Variants in MAP3K13 observed in about 807,000 individuals in gnomAD.
MAP3K13 encodes the protein mitogen-activated protein kinase kinase kinase 13, also known as leucine zipper-bearing kinase.
MAP3K13 carries 52 observed loss-of-function variants against 104.0 expected under a neutral mutation model. That is an observed-to-expected ratio of 0.50 (90% CI 0.40 to 0.63). MAP3K13 has a LOEUF of 0.63. Among genes scored for constraint, MAP3K13 ranks in the 20% least tolerant of loss-of-function variants. The probability of loss-of-function intolerance (pLI) is 0.00; values close to 1 mark genes in which losing one functional copy is unlikely to be tolerated. For synonymous variants in MAP3K13, 394 were observed against 442.2 expected (o/e 0.89, Z 1.37); for missense variants, 914 against 1,218.5 (o/e 0.75, Z 3.72).
intron 7 of MAP3K13, among the ~76,000 whole-genome samples, chr3:185,455,365 T>C (rs1465481905): frequency 1.1e-5 from 1 of 93,068 alleles, no homozygotes; most frequent in Non-Finnish European, 2.1e-5. Context: ...ATATATGAGA[T>C]ATATATGATA....
intron 2 of MAP3K13, among the ~76,000 whole-genome samples, chr3:185,326,093 CT>C (rs1243100914): frequency 1.3e-5 from 2 of 152,150 alleles, no homozygotes; most frequent in African/African-American, 4.8e-5. Flanking sequence ...ACCCTGTTCT[CT>C]TATCATCACA....
chr3:185,477,686 C>T (rs1718208130), intron 12 of MAP3K13, among the ~76,000 whole-genome samples: 1 of 152,198 alleles, frequency 6.6e-6, no homozygotes, highest in Non-Finnish European at 1.5e-5. Flanking sequence ...GATGGCCATG[C>T]TGTTTTATGG....
intron 3 of MAP3K13, among the ~76,000 whole-genome samples, chr3:185,442,554 GAC>G (rs1279187216): frequency 6.9e-6 from 1 of 144,748 alleles, no homozygotes; most frequent in Admixed American, 7.0e-5. Context: ...TTTTTTCTGA[GAC>G]AGAGTCTCAC....
chr3:185,418,837 T>C lies in MAP3K13; in HGVS notation c.-85-9660T>C, dbSNP rs1713958858. On this transcript the variant is annotated intron_variant, in intron 1 of 13. Transcript: ENST00000265026. This position sits in a 1 kb window ranked among gnomAD's most constrained non-coding sequence, Gnocchi z 4.5. The stretch of plus-strand genomic sequence containing the variant: ...CCCGGCTGCTGCCACAGGAAAAGCA[T>C]GTTCTTGTCTTTTCATCTGTTTTGG... The C allele has an allele frequency of 1.3e-6, 2 of 1,516,660 alleles. No individual in the cohort carries two copies. The highest frequency in any genetic ancestry group is 2.8e-5 in the African/African-American group (2 of 72,532). 94.0% of individuals were successfully genotyped at this position (1,516,660 alleles called of 1,614,324 possible).
intron 7 of MAP3K13, among the ~76,000 whole-genome samples, chr3:185,456,511 CT>C (rs1224343995): frequency 6.6e-6 from 1 of 151,336 alleles, no homozygotes; most frequent in East Asian, 1.9e-4. Context: ...ACACTTAACC[CT>C]TTTGTGAAAT....
At chr3:185,383,012 T>G in intron 1 of MAP3K13, among the ~76,000 whole-genome samples, 1 of 74,980 alleles carries the variant, frequency 1.3e-5, no homozygotes, top group Admixed American at 1.4e-4. Context: ...CCCTCCCCCC[T>G]CCCCCCAACC....
chr3:185,299,394 G>A (rs1721022436), intron 2 of MAP3K13, among the ~76,000 whole-genome samples: 1 of 152,242 alleles, frequency 6.6e-6, no homozygotes, highest in African/African-American at 2.4e-5. Context: ...AAAGGAGCCT[G>A]CACTCACTTG....
rs759340877 is a variant in MAP3K13, at chr3:185,482,439, A to C, written c.2884A>C (p.Ser962Arg). Reference sequence around the variant, plus strand: ...CACAGTTAGGACCAATAAACACTACAGCTCTGCTACCTGGTAATGAAGGAA... The same window carrying C: ...CACAGTTAGGACCAATAAACACTACCGCTCTGCTACCTGGTAATGAAGGAA... ...DATVRTNKHY[S>R]SATW Residue 962 changes from serine to arginine, a missense_variant, in exon 14 of 14, where the codon AGC (serine) becomes CGC (arginine). Ser to Arg is a moderately radical substitution (Grantham distance 110, BLOSUM62 -1). Around this residue, in one of 3 missense-constraint regions of MAP3K13, gnomAD observed 583 missense variants for 737.4 expected, o/e 0.79. Transcript: ENST00000265026. This position sits in a 1 kb window ranked among gnomAD's most constrained non-coding sequence, Gnocchi z 4.5. 9.3e-6 allele frequency: 15 copies of C among 1,613,140 alleles called. No homozygotes were observed. Among genetic ancestry groups the C allele is most frequent in the Non-Finnish European group, 1.2e-5 (14 of 1,179,186 alleles).
At position 185,417,785 on chromosome 3, in the gene MAP3K13, C is replaced by T; in HGVS notation, c.-85-10712C>T. The T allele has an allele frequency of 6.2e-6, 10 of 1,612,110 alleles. 1 individual carries two copies. In the South Asian group the frequency reaches 1.1e-4, roughly 18 times the overall value. ...ATGGTGTTCCGGCGCATGGTCTTTG[C>T]ATATGGGTTTAGCTTCAACATGATT... On this transcript the variant is annotated intron_variant, in intron 1 of 13. Coordinates refer to ENST00000265026, the MANE Select transcript of MAP3K13 (RefSeq NM_004721.5).
intron 1 of MAP3K13, among the ~76,000 whole-genome samples, chr3:185,384,270 G>T (rs1329449553): frequency 6.6e-6 from 1 of 151,122 alleles, no homozygotes; most frequent in African/African-American, 2.4e-5. Context: ...GCAAATGACT[G>T]CATTCCATTC....
intron 1 of MAP3K13, among the ~76,000 whole-genome samples, chr3:185,395,599 C>A (rs1199830719): frequency 1.3e-5 from 2 of 150,792 alleles, no homozygotes; most frequent in Admixed American, 1.3e-4. Flanking sequence ...ACCTCGTGAT[C>A]CGCCCGCCTC....
Position 185,390,621 on chromosome 3 carries a change from A to ATT in MAP3K13, c.-86+27273_-86+27274dup, listed in dbSNP as rs750832762. Among the ~76,000 whole-genome samples, 451 of 123,664 alleles carry ATT rather than the reference A, an allele frequency of 3.6e-3. 6 individuals are homozygous for ATT. Among genetic ancestry groups the ATT allele is most frequent in the Non-Finnish European group, 5.9e-3 (355 of 60,398 alleles). The allele number at this position is 123,664 out of a possible 152,430, so 81.1% of individuals were successfully genotyped here. Reference sequence around the variant, plus strand: ...TCTTTGAAATCACTTTACAGTCAGAATTTTTTTTTTTTTTTTTTTTTGAGA... The same window carrying ATT: ...TCTTTGAAATCACTTTACAGTCAGAATTTTTTTTTTTTTTTTTTTTTTTGAGA... On this transcript the variant is annotated intron_variant, in intron 1 of 13. Transcript: ENST00000265026.
chr3:185,380,035 A>T (rs960782823), intron 1 of MAP3K13, among the ~76,000 whole-genome samples: 1 of 151,926 alleles, frequency 6.6e-6, no homozygotes, highest in Admixed American at 6.6e-5. Context: ...AAAATACAAA[A>T]ATTAGCCGGG....
intron 4 of MAP3K13, among the ~76,000 whole-genome samples, chr3:185,445,953 C>T (rs997526733): frequency 6.6e-6 from 1 of 152,190 alleles, no homozygotes; most frequent in African/African-American, 2.4e-5. Flanking sequence ...TTCTCCAATT[C>T]TCTCATATAT....
rs571649900 is a variant in MAP3K13 at position 185,424,001 on chromosome 3, C to T, written c.-85-4496C>T. 2.6e-4 allele frequency among the ~76,000 whole-genome samples: 39 copies of T among 152,268 alleles called. No individual in the cohort carries two copies. In the South Asian group the frequency reaches 3.7e-3, roughly 15 times the overall value. On this transcript the variant is annotated intron_variant, in intron 1 of 13. Transcript: ENST00000265026. Reference sequence around the variant, plus strand: ...TCCCATCTCTCTTGGCTCTGTAGAACGGAATATGGCTCACTTGTCATGGGG... The same window carrying T: ...TCCCATCTCTCTTGGCTCTGTAGAATGGAATATGGCTCACTTGTCATGGGG...
At chr3:185,331,092 C>CTTTTT (rs34204309) in intron 2 of MAP3K13, among the ~76,000 whole-genome samples, 20,114 of 108,178 alleles carry the variant, frequency 0.19, 3,078 homozygotes, top group African/African-American at 0.22. Context: ...CCTAATTTAC[C>CTTTTT]TTTTTTTTTT....
At chr3:185,342,421 A>T (rs1057480635) in intron 2 of MAP3K13, among the ~76,000 whole-genome samples, 16 of 152,184 alleles carry the variant, frequency 1.1e-4, no homozygotes, top group Non-Finnish European at 2.1e-4. Context: ...CATACTGGAA[A>T]ACGAGACTTT....
In MAP3K13 at chr3:185,402,638, C is replaced by T. The variant is rs942966796; in HGVS notation, c.-85-25859C>T. On this transcript the variant is annotated intron_variant, in intron 1 of 13. Coordinates refer to ENST00000265026, the MANE Select transcript of MAP3K13 (RefSeq NM_004721.5). ...GAACCATGGACAGCATTTATTAGGACGTAGAGGCCAGATGATGCCTGGAAA... is the reference window on the plus strand; with the variant it reads ...GAACCATGGACAGCATTTATTAGGATGTAGAGGCCAGATGATGCCTGGAAA... 5.3e-5 allele frequency among the ~76,000 whole-genome samples: 8 copies of T among 152,240 alleles called. No individual in the cohort carries two copies. In the East Asian group the frequency reaches 9.6e-4, roughly 18 times the overall value.
chr3:185,435,366 C>T (rs1386253594), intron 2 of MAP3K13, among the ~76,000 whole-genome samples: 1 of 151,994 alleles, frequency 6.6e-6, no homozygotes, highest in African/African-American at 2.4e-5. Context: ...TTACAATATG[C>T]CATCGATATC....
Sources: gnomAD v4.1 joint callset for allele counts (sites outside exome capture counted in the v4.1 genomes callset) on GRCh38, gnomAD v4.1.1 for gene constraint, gnomAD v4.1.1 regional missense constraint, Gnocchi (gnomAD v3.1) non-coding constraint, MANE v1.5 for transcripts, NCBI Gene and HGNC (gene_info 2026-07-23, HGNC 2026-07-21) for gene names.